Variants in ASMTL observed in about 807,000 individuals in gnomAD.
The protein encoded by ASMTL is probable bifunctional dTTP/UTP pyrophosphatase/methyltransferase protein.
Under a neutral mutation model 60.3 loss-of-function variants are expected in ASMTL, and 57 were observed. The observed-to-expected ratio is 0.95, with a 90% CI of 0.76 to 1.18. ASMTL has a LOEUF of 1.18. ASMTL is among the 50% of genes most tolerant of loss of function. The pLI is 0.00. For missense variants in ASMTL, 981 were observed against 852.6 expected (o/e 1.15, Z -1.88); for synonymous variants, 419 against 373.0 (o/e 1.12, Z -1.42).
At chrX:1,430,946 T>C (rs1401931245) in intron 6 of ASMTL, among the ~76,000 whole-genome samples, 1 of 142,494 alleles carries the variant, frequency 7.0e-6, no homozygotes, top group Non-Finnish European at 1.5e-5. Context: ...ATAACTAATA[T>C]GTATTACATA....
At chrX:1,451,466 G>T (rs2091381144) in intron 1 of ASMTL, among the ~76,000 whole-genome samples, 1 of 144,284 alleles carries the variant, frequency 6.9e-6, no homozygotes. Flanking sequence ...ATCCTTTTGG[G>T]TCCCGGGTTA....
At chrX:1,443,780 G>A (rs1287191604) in intron 1 of ASMTL, among the ~76,000 whole-genome samples, 3 of 149,438 alleles carry the variant, frequency 2.0e-5, no homozygotes, top group Non-Finnish European at 4.5e-5. Context: ...CTTGGCCATC[G>A]TGGACACACA....
intron 12 of ASMTL, 173 bp from the exon 13 acceptor site, chrX:1,403,662 G>GCAGGGCGGACAGA (rs1192716905): frequency 1.6e-6 from 1 of 620,900 alleles, no homozygotes; most frequent in African/African-American, 1.8e-5. Context: ...GAGACTTGAT[G>GCAGGGCGGACAGA]CAGGGCGGAC....
At chrX:1,449,945 T>A (rs1172483197) in intron 1 of ASMTL, among the ~76,000 whole-genome samples, 2 of 138,196 alleles carry the variant, frequency 1.4e-5, no homozygotes, top group African/African-American at 2.7e-5. Context: ...CCACCACCAG[T>A]AAATATGCCC....
intron 3 of ASMTL, among the ~76,000 whole-genome samples, chrX:1,437,560 T>C (rs749764520): frequency 6.6e-5 from 10 of 151,946 alleles, no homozygotes; most frequent in Admixed American, 2.0e-4. Flanking sequence ...CTTAGTCCAT[T>C]TCAGGCTGCT....
At position 1,452,901 on chromosome X, in the gene ASMTL, G is replaced by T; in HGVS notation, c.-61C>A. On this transcript the variant is annotated 5_prime_UTR_variant, in exon 1 of 13. In the 5' UTR this introduces an upstream ATG that the reference lacks. Transcript: ENST00000381317. Reference sequence around the variant, plus strand: ...GAGCCCGGAGCCCGCGGTGCGCGCAGCGCGGCTGCAAAAAAAACAGGCGGC... The same window carrying T: ...GAGCCCGGAGCCCGCGGTGCGCGCATCGCGGCTGCAAAAAAAACAGGCGGC... 7.6e-7 allele frequency: 1 copy of T among 1,319,372 alleles called. No homozygotes were observed. Among genetic ancestry groups the T allele is most frequent in the Non-Finnish European group, 1.0e-6 (1 of 989,370 alleles). The allele number at this position is 1,319,372 out of a possible 1,614,324, so 81.7% of individuals were successfully genotyped here.
chrX:1,451,035 AG>A (rs2149354330), intron 1 of ASMTL, among the ~76,000 whole-genome samples: 1 of 70,698 alleles, frequency 1.4e-5, no homozygotes, highest in East Asian at 3.8e-4. Context: ...CTCCATTCCT[AG>A]GGGGTCCTGG....
chrX:1,441,881 G>A (rs1351776443), intron 2 of ASMTL: 1 of 351,940 alleles, frequency 2.8e-6, no homozygotes, highest in Non-Finnish European at 5.2e-6. Context: ...TCAATTGCGA[G>A]AAATTATTAT....
intron 3 of ASMTL, 83 bp from the exon 4 acceptor site, chrX:1,435,841 T>G (rs1386736050): frequency 1.7e-6 from 2 of 1,195,768 alleles, no homozygotes; most frequent in Non-Finnish European, 2.5e-6. Context: ...TTCGCAGAAG[T>G]CACTTGTTTT....
At chrX:1,412,029 C>T (rs1448037017) in intron 12 of ASMTL, among the ~76,000 whole-genome samples, 1 of 151,898 alleles carries the variant, frequency 6.6e-6, no homozygotes, top group Non-Finnish European at 1.5e-5. Context: ...GTTGGCCAGG[C>T]TGGTCTCAAA....
rs755143738 is a variant in ASMTL at position 1,412,833 on chromosome X, A to AG, written c.1543dup (p.Leu515ProfsTer5). ...CAGGACGTACAGCTCAGCGCTGGGGAGGGGGTCCCTGAAAAAGTCACCTGG... is the reference window on the plus strand; with the variant it reads ...CAGGACGTACAGCTCAGCGCTGGGGAGGGGGGTCCCTGAAAAAGTCACCTGG... On this transcript the variant is annotated frameshift_variant, in exon 12 of 13. Coordinates refer to ENST00000381317, the MANE Select transcript of ASMTL (RefSeq NM_004192.4). LOFTEE classifies it high-confidence loss of function. The AG allele has an allele frequency of 1.2e-6, 2 of 1,613,674 alleles. No individual in the cohort carries two copies. The highest frequency in any genetic ancestry group is 1.3e-5 in the African/African-American group (1 of 74,878).
At chrX:1,412,240 T>A (rs2090057380) in intron 12 of ASMTL, among the ~76,000 whole-genome samples, 1 of 151,938 alleles carries the variant, frequency 6.6e-6, no homozygotes, top group Non-Finnish European at 1.5e-5. Flanking sequence ...GTGGTTGTTC[T>A]TTTTTGACAC....
chrX:1,444,314 T>G (rs748810670), intron 1 of ASMTL, among the ~76,000 whole-genome samples: 252 of 151,834 alleles, frequency 1.7e-3, no homozygotes, highest in African/African-American at 5.7e-3. Flanking sequence ...GATCAAGCGA[T>G]TCTCCTGCCT....
chrX:1,415,697 C>T (rs2090218251), intron 11 of ASMTL, among the ~76,000 whole-genome samples: 1 of 152,102 alleles, frequency 6.6e-6, no homozygotes, highest in African/African-American at 2.4e-5. Context: ...AACTCCTGAC[C>T]ACAGGGGATC....
intron 12 of ASMTL, 95 bp from the exon 13 acceptor site, chrX:1,403,584 C>T (rs1280113959): frequency 1.2e-5 from 14 of 1,184,850 alleles, no homozygotes; most frequent in East Asian, 4.7e-5. Context: ...GAGCTCAGAA[C>T]GGTGAGCAGA....
chrX:1,436,147 T>C (rs756665612), intron 3 of ASMTL, among the ~76,000 whole-genome samples: 1 of 152,288 alleles, frequency 6.6e-6, no homozygotes, highest in Admixed American at 6.5e-5. Flanking sequence ...TCAACATTCA[T>C]CCATGTTGCA....
At chrX:1,426,115 G>C (rs2090604704) in intron 7 of ASMTL, among the ~76,000 whole-genome samples, 3 of 151,964 alleles carry the variant, frequency 2.0e-5, no homozygotes, top group South Asian at 2.1e-4. Flanking sequence ...TGAGGACACA[G>C]ACACACACAC....
chrX:1,422,663 C>T (rs5949060), intron 8 of ASMTL, among the ~76,000 whole-genome samples: 102,393 of 151,922 alleles, frequency 0.67, 35,418 homozygotes, highest in South Asian at 0.87. Flanking sequence ...CGCACCACTC[C>T]GGTCCTCCTA....
rs766738411 is a variant in ASMTL, at chrX:1,435,714, G to A, written c.318C>T (p.Asp106=). 25 of 1,613,544 alleles carry A rather than the reference G, an allele frequency of 1.5e-5. No homozygotes were observed. Among genetic ancestry groups the A allele is most frequent in the South Asian group, 6.6e-5 (6 of 91,048 alleles). The part of the protein sequence containing the change: ...LILEKPVDKQ[D]AYRMLSRLSG... ...CTTACCGGGACAGCATCCTGTAGGC[G>A]TCCTGCTTGTCCACCGGCTTCTCCA... Residue 106 remains aspartate (D), a synonymous_variant, in exon 4 of 13, where the codon GAC becomes GAT. Transcript: ENST00000381317.
Sources: allele counts gnomAD v4.1 joint callset (sites outside exome capture counted in the v4.1 genomes callset), GRCh38; gene constraint gnomAD v4.1.1; transcripts MANE v1.5; gene names NCBI Gene and HGNC (gene_info 2026-07-23, HGNC 2026-07-21).